The following ITPK1 variants were observed in gnomAD, a reference collection of about 807,000 sequenced individuals.
ITPK1 encodes inositol-tetrakisphosphate 1-kinase.
In ITPK1, 21 loss-of-function variants were observed where a neutral mutation model predicts 45.3. The ratio of observed to expected loss-of-function variants is 0.46; its 90% CI spans 0.33 to 0.67. The LOEUF (loss-of-function observed/expected upper bound fraction) is 0.67. Among genes scored for constraint, ITPK1 ranks in the 30% least tolerant of loss-of-function variants. ITPK1 has a pLI of 0.02. For synonymous variants in ITPK1, 258 were observed against 253.6 expected (o/e 1.02, Z -0.16); for missense variants, 474 against 573.5 (o/e 0.83, Z 1.77).
intron 5 of ITPK1, among the ~76,000 whole-genome samples, chr14:92,966,651 A>G (rs894297141): frequency 2.6e-5 from 4 of 152,276 alleles, no homozygotes; most frequent in Admixed American, 6.5e-5. Context: ...CTGGAAAAAG[A>G]AAAACAAAGT....
In ITPK1 at chr14:92,962,867, C is replaced by G. The variant is rs1465978842; in HGVS notation, c.365-18G>C. The G allele has an allele frequency of 1.3e-6, 2 of 1,585,938 alleles. No homozygotes were observed. The highest frequency in any genetic ancestry group is 1.3e-5 in the African/African-American group (1 of 74,428). ...CCTGTCGTCTAGGGCAGAAGGGAGGCCTGGTCAGCACAGCTCCTGGGCAGC... is the reference window on the plus strand; with the variant it reads ...CCTGTCGTCTAGGGCAGAAGGGAGGGCTGGTCAGCACAGCTCCTGGGCAGC... On this transcript the variant is annotated intron_variant, in intron 5 of 10. Transcript: ENST00000267615.
chr14:92,962,606 G>A (rs1183096503), intron 6 of ITPK1, 145 bp downstream of exon 6: 1 of 759,502 alleles, frequency 1.3e-6, no homozygotes, highest in Non-Finnish European at 2.4e-6. Flanking sequence ...TTTCTATGGT[G>A]TGGGTGGAGG....
chr14:93,043,803 A>G (rs1889664949), intron 3 of ITPK1, among the ~76,000 whole-genome samples: 1 of 152,168 alleles, frequency 6.6e-6, no homozygotes. Flanking sequence ...ATCCTGCAGG[A>G]GGCCCTTCCC....
chr14:92,999,013 T>C (rs1300798514), intron 4 of ITPK1: 2 of 152,218 alleles, frequency 1.3e-5, no homozygotes, highest in East Asian at 1.9e-4. Context: ...TTCGTGACCT[T>C]GGATTAAACA....
chr14:93,096,671 G>T (rs369923456), intron 2 of ITPK1, among the ~76,000 whole-genome samples: 9 of 152,352 alleles, frequency 5.9e-5, no homozygotes, highest in Admixed American at 4.6e-4. Context: ...CCTGGCTGCA[G>T]ATTCACCGCT....
At chr14:92,944,768 C>T (rs906057286) in intron 10 of ITPK1, among the ~76,000 whole-genome samples, 1 of 152,166 alleles carries the variant, frequency 6.6e-6, no homozygotes, top group Non-Finnish European at 1.5e-5. Context: ...CTCATACCTG[C>T]CAGCAAAACC....
At chr14:93,040,679 T>TC (rs1051077963) in intron 3 of ITPK1, among the ~76,000 whole-genome samples, 12 of 151,278 alleles carry the variant, frequency 7.9e-5, no homozygotes, top group Admixed American at 3.3e-4. Context: ...TGCCCCCCTC[T>TC]CCCCCCCGCA....
chr14:92,983,081 T>C (rs1595109341), intron 5 of ITPK1, among the ~76,000 whole-genome samples: 3 of 152,360 alleles, frequency 2.0e-5, no homozygotes, highest in Middle Eastern at 6.8e-3. Context: ...TTTCATCTTA[T>C]GTGACCAGAG....
intron 4 of ITPK1, among the ~76,000 whole-genome samples, chr14:93,004,120 G>A (rs958464381): frequency 7.2e-5 from 11 of 152,162 alleles, no homozygotes; most frequent in African/African-American, 2.7e-4. Context: ...CCACGGCATG[G>A]TCACTGCACG....
intron 3 of ITPK1, among the ~76,000 whole-genome samples, chr14:93,025,415 C>T (rs1458481544): frequency 6.6e-6 from 1 of 152,228 alleles, no homozygotes; most frequent in African/African-American, 2.4e-5. Flanking sequence ...TTGATCTTTG[C>T]TCCCTAGACT....
chr14:92,961,219 C>A (rs1300986409), intron 7 of ITPK1, among the ~76,000 whole-genome samples: 1 of 152,230 alleles, frequency 6.6e-6, no homozygotes, highest in African/African-American at 2.4e-5. Context: ...ACTGGGGAGA[C>A]CCCAGGCAGT....
At chr14:93,091,499 T>C (rs1891865944) in intron 2 of ITPK1, among the ~76,000 whole-genome samples, 1 of 152,210 alleles carries the variant, frequency 6.6e-6, no homozygotes, top group Non-Finnish European at 1.5e-5. Flanking sequence ...CCTTTGATAT[T>C]CAGACTCAAA....
chr14:92,946,916 T>C (rs3783924), intron 9 of ITPK1, among the ~76,000 whole-genome samples: 10,180 of 152,134 alleles, frequency 0.067, 594 homozygotes, highest in East Asian at 0.33. Flanking sequence ...CGGGAAGACA[T>C]GGTGCAGAGC....
chr14:93,095,405 A>G (rs371197429), intron 2 of ITPK1, among the ~76,000 whole-genome samples: 12 of 152,304 alleles, frequency 7.9e-5, no homozygotes, highest in East Asian at 5.8e-4. Context: ...AACTTGCTAG[A>G]CAGGAGCAGA....
chr14:93,035,357 A>G (rs2139899207), intron 3 of ITPK1, among the ~76,000 whole-genome samples: 1 of 152,316 alleles, frequency 6.6e-6, no homozygotes, highest in East Asian at 1.9e-4. Context: ...AGGCACAGGT[A>G]TTCACGCTGG....
chr14:92,952,471 G>A (rs1361095802), intron 8 of ITPK1, among the ~76,000 whole-genome samples: 2 of 152,150 alleles, frequency 1.3e-5, no homozygotes, highest in Admixed American at 1.3e-4. Flanking sequence ...AGAGACATAG[G>A]GACAGGCTGG....
At chr14:92,949,754 T>G (rs994565091) in intron 9 of ITPK1, among the ~76,000 whole-genome samples, 1 of 152,232 alleles carries the variant, frequency 6.6e-6, no homozygotes, top group Non-Finnish European at 1.5e-5. Flanking sequence ...ACAAAAGTGC[T>G]CTCGGCCTGG....
In ITPK1 at chr14:93,012,686, G is replaced by A. The variant is rs1003120352; in HGVS notation, c.246+3990C>T. 4.6e-5 allele frequency among the ~76,000 whole-genome samples: 7 copies of A among 152,198 alleles called. No individual in the cohort carries two copies. The highest frequency in any genetic ancestry group is 8.8e-5 in the Non-Finnish European group (6 of 68,034). On this transcript the variant is annotated intron_variant, in intron 4 of 10. Coordinates refer to ENST00000267615, the MANE Select transcript of ITPK1 (RefSeq NM_014216.6). This position sits in a 1 kb window ranked among gnomAD's most constrained non-coding sequence, Gnocchi z 4.9. ...GGCACCCAGCAGTGCTGCCGCAGAGGACACTCTCCTAGCAGTCTGTGTGCA... is the reference window on the plus strand; with the variant it reads ...GGCACCCAGCAGTGCTGCCGCAGAGAACACTCTCCTAGCAGTCTGTGTGCA...
chr14:92,999,123 T>G (rs1487017313), intron 4 of ITPK1, among the ~76,000 whole-genome samples: 1 of 152,236 alleles, frequency 6.6e-6, no homozygotes, highest in Admixed American at 6.5e-5. Flanking sequence ...CCAGCCCCCA[T>G]CTGCCCTAGG....
Sources: allele counts gnomAD v4.1 joint callset (sites outside exome capture counted in the v4.1 genomes callset), GRCh38; gene constraint gnomAD v4.1.1; non-coding constraint Gnocchi (gnomAD v3.1); transcripts MANE v1.5; gene names NCBI Gene and HGNC (gene_info 2026-07-23, HGNC 2026-07-21).